The following RALGAPA2 variants were observed in gnomAD, a reference collection of about 807,000 sequenced individuals.
The protein encoded by RALGAPA2 is Ral GTPase activating protein catalytic subunit alpha 2.
Under a neutral mutation model 230.4 loss-of-function variants are expected in RALGAPA2, and 139 were observed. The observed-to-expected ratio is 0.60, with a 90% CI of 0.53 to 0.69. RALGAPA2 has a LOEUF of 0.69. Among genes scored for constraint, RALGAPA2 ranks in the 30% least tolerant of loss-of-function variants. The probability of loss-of-function intolerance (pLI) is 0.00; values close to 1 mark genes in which losing one functional copy is unlikely to be tolerated. For synonymous variants in RALGAPA2, 847 were observed against 837.8 expected, an observed-to-expected ratio of 1.01 and a Z score of -0.19; for missense variants, 2,163 against 2,276.0, an observed-to-expected ratio of 0.95 and a Z score of 1.01.
At chr20:20,655,238 TAAATA>T (rs2067547009) in intron 3 of RALGAPA2, among the ~76,000 whole-genome samples, 1 of 150,904 alleles carries the variant, frequency 6.6e-6, no homozygotes, top group Admixed American at 6.6e-5. Context: ...AAAATAAATA[TAAATA>T]AAATATGTAA....
intron 27 of RALGAPA2, among the ~76,000 whole-genome samples, chr20:20,529,840 G>A (rs2063322733): frequency 6.6e-6 from 1 of 152,166 alleles, no homozygotes; most frequent in African/African-American, 2.4e-5. Flanking sequence ...GTGTGTCTGT[G>A]TGTGTCTATC....
At position 20,512,893 on chromosome 20, in the gene RALGAPA2, A is replaced by C; in HGVS notation, c.4476T>G (p.Pro1492=). Residue 1492 remains proline (P), a synonymous_variant, in exon 32 of 40, where the codon CCT becomes CCG. Coordinates refer to ENST00000202677, the MANE Select transcript of RALGAPA2 (RefSeq NM_020343.4). ...GATGCCAGCTCGAAATCAGAAATGA[A>C]GGATTTCTTCCATTGGGTGCTAAGC... ...EGCLAPNGRN[P]SFLISSWHRD... The C allele has an allele frequency of 6.2e-7, 1 of 1,613,916 alleles. No homozygotes were observed. The highest frequency in any genetic ancestry group is 2.2e-5 in the East Asian group (1 of 44,884).
At chr20:20,710,968 A>G (rs948359324) in intron 1 of RALGAPA2, among the ~76,000 whole-genome samples, 12 of 152,184 alleles carry the variant, frequency 7.9e-5, no homozygotes, top group African/African-American at 2.9e-4. Context: ...TGTATTGTGC[A>G]ACCTGTGCGT....
intron 23 of RALGAPA2, among the ~76,000 whole-genome samples, chr20:20,569,532 CCTTAA>C (rs2064556666): frequency 6.6e-6 from 1 of 151,942 alleles, no homozygotes; most frequent in Non-Finnish European, 1.5e-5. Context: ...AGATATTGAG[CCTTAA>C]CTTAATTAAA....
chr20:20,396,660 G>A, intron 39 of RALGAPA2, 35 bp downstream of exon 39: 7 of 1,581,048 alleles, frequency 4.4e-6, no homozygotes, highest in Non-Finnish European at 6.1e-6. Context: ...CCAAAGCAGG[G>A]TGGCTGGACA....
chr20:20,546,935 G>A, intron 23 of RALGAPA2, 103 bp from the exon 24 acceptor site: 2 of 1,205,176 alleles, frequency 1.7e-6, no homozygotes, highest in South Asian at 2.4e-5. Flanking sequence ...TAATCCAAGA[G>A]AGCACAGATT....
At chr20:20,505,348 C>T (rs1276529909) in intron 34 of RALGAPA2, 63 bp downstream of exon 34, 1 of 1,410,658 alleles carries the variant, frequency 7.1e-7, no homozygotes, top group African/African-American at 1.5e-5. Context: ...TACACAATGT[C>T]TAGTTTGGAC....
chr20:20,693,089 C>T (rs2068974951), intron 1 of RALGAPA2, among the ~76,000 whole-genome samples: 1 of 152,024 alleles, frequency 6.6e-6, no homozygotes, highest in South Asian at 2.1e-4. Flanking sequence ...TTCTTTATTC[C>T]TATAAAGTAA....
intron 28 of RALGAPA2, 54 bp from the exon 29 acceptor site, chr20:20,524,952 A>T (rs186000400): frequency 1.3e-6 from 2 of 1,499,456 alleles, no homozygotes; most frequent in African/African-American, 2.8e-5. Flanking sequence ...AGCCTTTGTA[A>T]GCCTATGTTA....
chr20:20,667,001 C>T (rs1195092602), intron 3 of RALGAPA2, among the ~76,000 whole-genome samples: 1 of 152,152 alleles, frequency 6.6e-6, no homozygotes, highest in African/African-American at 2.4e-5. Flanking sequence ...ATATTCATAA[C>T]TCTAGTTTTT....
intron 18 of RALGAPA2, among the ~76,000 whole-genome samples, chr20:20,587,868 G>A (rs2065177812): frequency 6.6e-6 from 1 of 151,906 alleles, no homozygotes; most frequent in Admixed American, 6.5e-5. Context: ...AAACAAAAAT[G>A]GCCAATAAAC....
intron 10 of RALGAPA2, among the ~76,000 whole-genome samples, chr20:20,628,420 T>C (rs1027623292): frequency 1.3e-5 from 2 of 152,178 alleles, no homozygotes; most frequent in Admixed American, 6.5e-5. Flanking sequence ...TACCCACCAA[T>C]AGGCCACATT....
chr20:20,543,422 C>T (rs1373914871), intron 24 of RALGAPA2, among the ~76,000 whole-genome samples: 1 of 152,168 alleles, frequency 6.6e-6, no homozygotes, highest in Admixed American at 6.5e-5. Context: ...TATAAAGACA[C>T]ATGCACACGT....
intron 1 of RALGAPA2, among the ~76,000 whole-genome samples, chr20:20,694,844 G>A (rs533896556): frequency 1.2e-4 from 18 of 152,312 alleles, no homozygotes; most frequent in African/African-American, 3.1e-4. Flanking sequence ...CACGTTCACC[G>A]GGATTTCAGT....
chr20:20,673,596 A>G (rs1335720033), intron 3 of RALGAPA2, among the ~76,000 whole-genome samples: 1 of 152,170 alleles, frequency 6.6e-6, no homozygotes, highest in African/African-American at 2.4e-5. Context: ...ACCAGAAAAT[A>G]TGAATAATAC....
intron 37 of RALGAPA2, among the ~76,000 whole-genome samples, chr20:20,445,930 A>T (rs1319143163): frequency 6.6e-6 from 1 of 152,200 alleles, no homozygotes; most frequent in Non-Finnish European, 1.5e-5. Context: ...AGCACTAAAC[A>T]ATGCACATTT....
chr20:20,410,987 C>T (rs1334575076), intron 38 of RALGAPA2, among the ~76,000 whole-genome samples: 2 of 152,164 alleles, frequency 1.3e-5, no homozygotes, highest in South Asian at 4.1e-4. Context: ...TTGAGGCCAG[C>T]GATGTTAAAC....
chr20:20,711,034 T>C (rs1231428123), intron 1 of RALGAPA2, among the ~76,000 whole-genome samples: 1 of 152,170 alleles, frequency 6.6e-6, no homozygotes, highest in African/African-American at 2.4e-5. Flanking sequence ...CACACTTCAC[T>C]CTCCACACTT....
Position 20,419,114 on chromosome 20 carries a change from G to C in RALGAPA2, c.5496-6966C>G, listed in dbSNP as rs754628930. Among the ~76,000 whole-genome samples the C allele has an allele frequency of 7.7e-4, 117 of 152,146 alleles. 3 individuals carry two copies. Among genetic ancestry groups the C allele is most frequent in the Non-Finnish European group, 1.8e-4 (12 of 68,034 alleles). On this transcript the variant is annotated intron_variant, in intron 37 of 39. Coordinates refer to ENST00000202677, the MANE Select transcript of RALGAPA2 (RefSeq NM_020343.4). ...ACACATATGTAGGAAATGATAAAGA[G>C]CAAGGAAATAATAACCTGGGATTAC...
Sources: allele counts gnomAD v4.1 joint callset (sites outside exome capture counted in the v4.1 genomes callset), GRCh38; gene constraint gnomAD v4.1.1; transcripts MANE v1.5; gene names NCBI Gene and HGNC (gene_info 2026-07-23, HGNC 2026-07-21).